SEPTIN9: variants seen among roughly 807,000 people sequenced by gnomAD.
SEPTIN9 encodes septin-9.
A neutral mutation model predicts 56.6 loss-of-function variants in SEPTIN9; 13 were observed. The observed-to-expected ratio is 0.23, with a 90% CI of 0.15 to 0.37. SEPTIN9 has a LOEUF of 0.37. Among genes scored for constraint, SEPTIN9 ranks in the 10% least tolerant of loss-of-function variants. SEPTIN9 has a pLI of 1.00. For synonymous variants in SEPTIN9, 332 were observed against 334.1 expected (o/e 0.99, Z 0.07); for missense variants, 650 against 823.1 (o/e 0.79, Z 2.57).
chr17:77,402,532 GC>G lies in SEPTIN9; in HGVS notation c.555del (p.Lys186ArgfsTer108). ...EVPTAPATDAAPKRVEIQMPK... is the reference protein window; with the variant it reads ...EVPTAPATDAXPKRVEIQMPK... ...GCCCACTGCCCCTGCCACCGACGCAGCCCCCAAGAGGGTGGAGATCCAGATG... is the reference window on the plus strand; with the variant it reads ...GCCCACTGCCCCTGCCACCGACGCAGCCCCAAGAGGGTGGAGATCCAGATG... On this transcript the variant is annotated frameshift_variant, in exon 3 of 12. Coordinates refer to ENST00000427177, the MANE Select transcript of SEPTIN9 (RefSeq NM_001113491.2). LOFTEE classifies it high-confidence loss of function. This position sits in a 1 kb window ranked among gnomAD's most constrained non-coding sequence, Gnocchi z 6.6. 6.2e-7 allele frequency: 1 copy of G among 1,606,938 alleles called. No homozygotes were observed.
rs929005117 is a variant in SEPTIN9 at position 77,492,726 on chromosome 17, TC to T, written c.1476+12del. 3 of 1,611,332 alleles carry T rather than the reference TC, an allele frequency of 1.9e-6. No homozygotes were observed. Among genetic ancestry groups the T allele is most frequent in the South Asian group, 1.1e-5 (1 of 91,026 alleles). On this transcript the variant is annotated intron_variant, in intron 9 of 11. Coordinates refer to ENST00000427177, the MANE Select transcript of SEPTIN9 (RefSeq NM_001113491.2). This position sits in a 1 kb window ranked among gnomAD's most constrained non-coding sequence, Gnocchi z 5.4. ...GAACGAGAAGTTCCGGGTGAGTGGA[TC>T]CACTAGGATGTTGTTCCCAGGGGAC... is the stretch of plus-strand genomic sequence containing the variant.
intron 5 of SEPTIN9, among the ~76,000 whole-genome samples, 165 bp from the exon 6 acceptor site, chr17:77,488,075 G>C (rs1441069454): frequency 6.6e-6 from 1 of 152,100 alleles, no homozygotes; most frequent in Non-Finnish European, 1.5e-5. Context: ...CAGGGGAACC[G>C]TCACCGGCCT....
chr17:77,391,597 C>T (rs1048173549), intron 2 of SEPTIN9, among the ~76,000 whole-genome samples: 1 of 152,198 alleles, frequency 6.6e-6, no homozygotes, highest in African/African-American at 2.4e-5. Flanking sequence ...TGATCATGTT[C>T]GCAGGTTCCA....
At chr17:77,488,636 T>G (rs1598463076) in intron 6 of SEPTIN9, 91 bp from the exon 7 acceptor site, 2 of 1,536,070 alleles carry the variant, frequency 1.3e-6, no homozygotes. Flanking sequence ...CATTGGAAGG[T>G]GGGGTGTTGG....
chr17:77,434,143 A>G lies in SEPTIN9; in HGVS notation c.721+31440A>G, dbSNP rs1192893899. Among the ~76,000 whole-genome samples the G allele has an allele frequency of 1.3e-5, 2 of 152,068 alleles. No individual in the cohort carries two copies. Among genetic ancestry groups the G allele is most frequent in the Admixed American group, 1.3e-4 (2 of 15,276 alleles). On this transcript the variant is annotated intron_variant, in intron 3 of 11. Coordinates refer to ENST00000427177, the MANE Select transcript of SEPTIN9 (RefSeq NM_001113491.2). The surrounding 1 kb of genome is among the most constrained non-coding windows in gnomAD (Gnocchi z 5.0). ...GGGTCTCCAGGAGGCCCTTGGTGGG[A>G]GAGGCAGGGCCCCTTCCCCTTTAAT...
At position 77,456,097 on chromosome 17, in the gene SEPTIN9, G is replaced by A. The variant is rs938212246; in HGVS notation, c.722-26047G>A. ...GCTGGGGCCGGAGGAAACACTGCCC[G>A]TGGCCGGTGTCATCTGCCAGCCCTG... On this transcript the variant is annotated intron_variant, in intron 3 of 11. Transcript: ENST00000427177. This position sits in a 1 kb window ranked among gnomAD's most constrained non-coding sequence, Gnocchi z 6.0. Among the ~76,000 whole-genome samples the A allele has an allele frequency of 1.3e-5, 2 of 151,850 alleles. No individual in the cohort carries two copies. Among genetic ancestry groups the A allele is most frequent in the Non-Finnish European group, 2.9e-5 (2 of 67,990 alleles).
At chr17:77,489,714 C>T (rs1192415133) in intron 7 of SEPTIN9, among the ~76,000 whole-genome samples, 1 of 152,168 alleles carries the variant, frequency 6.6e-6, no homozygotes. Context: ...TGGTGGGCAG[C>T]GGGCCTCACC....
chr17:77,457,192 G>A (rs1417901519), intron 3 of SEPTIN9, among the ~76,000 whole-genome samples: 1 of 152,140 alleles, frequency 6.6e-6, no homozygotes, highest in African/African-American at 2.4e-5. Flanking sequence ...GATGGCACAG[G>A]GTCACCTGCT....
chr17:77,395,925 C>G (rs147840669), intron 2 of SEPTIN9, among the ~76,000 whole-genome samples: 1 of 152,210 alleles, frequency 6.6e-6, no homozygotes, highest in Non-Finnish European at 1.5e-5. Context: ...GTAAATCTTT[C>G]TGTACTTCTG....
At chr17:77,312,844 G>A (rs570107712) in intron 2 of SEPTIN9, among the ~76,000 whole-genome samples, 30 of 152,158 alleles carry the variant, frequency 2.0e-4, no homozygotes, top group Non-Finnish European at 3.1e-4. Flanking sequence ...AGGCATTTGT[G>A]ACTATTTAAG....
At chr17:77,299,211 C>CA (rs1243933224) in intron 1 of SEPTIN9, among the ~76,000 whole-genome samples, 3 of 152,202 alleles carry the variant, frequency 2.0e-5, no homozygotes, top group African/African-American at 7.2e-5. Flanking sequence ...CTTAGTGCAT[C>CA]TCTGGAGGCC....
intron 2 of SEPTIN9, among the ~76,000 whole-genome samples, chr17:77,347,817 CA>C (rs1374537871): frequency 6.6e-6 from 1 of 152,094 alleles, no homozygotes; most frequent in African/African-American, 2.4e-5. Flanking sequence ...AGATAGTCAA[CA>C]CTTTATTATA....
In SEPTIN9 at chr17:77,499,003, G is replaced by T. The variant is rs1359809356; in HGVS notation, c.*345G>T. The T allele has an allele frequency of 5.6e-6, 3 of 539,972 alleles. No homozygotes were observed. The highest frequency in any genetic ancestry group is 1.1e-5 in the Non-Finnish European group (3 of 279,092). The allele number at this position is 539,972 out of a possible 1,614,324, so 33.4% of individuals were successfully genotyped here. On this transcript the variant is annotated 3_prime_UTR_variant, in exon 12 of 12. Coordinates refer to ENST00000427177, the MANE Select transcript of SEPTIN9 (RefSeq NM_001113491.2). ...CCGTCTGTGTGGGGTTCTCAGTGCC[G>T]GAGGCCTTGGGGTGGGGGCCAGGCC...
chr17:77,383,809 G>A (rs192348971), intron 2 of SEPTIN9, among the ~76,000 whole-genome samples: 45 of 152,332 alleles, frequency 3.0e-4, no homozygotes, highest in African/African-American at 9.6e-4. Flanking sequence ...ATGGCCCAGC[G>A]TGCCGGCTCA....
chr17:77,497,450 C>T lies in SEPTIN9; in HGVS notation c.1625+84C>T, dbSNP rs1280169595. ...CGGGTGGGGGCAGTGGGTGTGGGGC[C>T]GAAGCCCTGGGCAGAGTGGGTGCCC... On this transcript the variant is annotated intron_variant, in intron 11 of 11. Transcript: ENST00000427177. 1.8e-5 allele frequency: 24 copies of T among 1,347,380 alleles called. No homozygotes were observed. The Admixed American group carries it at 1.9e-4, about 11-fold the overall frequency. 83.5% of individuals were successfully genotyped at this position (1,347,380 alleles called of 1,614,324 possible).
At chr17:77,491,135 C>G (rs1034211125) in intron 8 of SEPTIN9, among the ~76,000 whole-genome samples, 1 of 152,138 alleles carries the variant, frequency 6.6e-6, no homozygotes, top group Non-Finnish European at 1.5e-5. Context: ...TGGAGAAGAC[C>G]TGGACCAGGC....
intron 2 of SEPTIN9, among the ~76,000 whole-genome samples, chr17:77,382,658 A>G (rs956693345): frequency 6.6e-6 from 1 of 152,220 alleles, no homozygotes; most frequent in African/African-American, 2.4e-5. Flanking sequence ...AGCGAGCTTT[A>G]AACCCTGGGC....
intron 1 of SEPTIN9, among the ~76,000 whole-genome samples, chr17:77,298,433 G>A (rs1032582154): frequency 2.6e-5 from 4 of 152,240 alleles, no homozygotes; most frequent in African/African-American, 9.6e-5. Flanking sequence ...GGACTGGGGA[G>A]TGTGCTGTGG....
At chr17:77,488,184 GTGTC>G in intron 5 of SEPTIN9, 52 bp from the exon 6 acceptor site, 1 of 1,538,818 alleles carries the variant, frequency 6.5e-7, no homozygotes, top group Non-Finnish European at 9.0e-7. Flanking sequence ...CAGGTGTGGG[GTGTC>G]TGTGAGGGTC....
Sources: gnomAD v4.1 joint callset for allele counts (sites outside exome capture counted in the v4.1 genomes callset) on GRCh38, gnomAD v4.1.1 for gene constraint, Gnocchi (gnomAD v3.1) non-coding constraint, MANE v1.5 for transcripts, NCBI Gene and HGNC (gene_info 2026-07-23, HGNC 2026-07-21) for gene names.